MBD5: variants seen among roughly 807,000 people sequenced by gnomAD.
The protein encoded by MBD5 is methyl-CpG-binding domain protein 5.
MBD5 carries 13 observed loss-of-function variants against 117.3 expected under a neutral mutation model. The ratio of observed to expected loss-of-function variants is 0.11; its 90% confidence interval spans 0.07 to 0.18. The LOEUF (loss-of-function observed/expected upper bound fraction) is 0.18, where lower values mean the gene tolerates loss of function less well. Among genes scored for constraint, MBD5 ranks in the 10% least tolerant of loss-of-function variants. The probability of loss-of-function intolerance (pLI) is 1.00; values close to 1 mark genes in which losing one functional copy is unlikely to be tolerated. For missense variants in MBD5, 1,879 were observed against 2,093.8 expected (o/e 0.90, Z 2.00); for synonymous variants, 727 against 766.4 (o/e 0.95, Z 0.85).
intron 4 of MBD5, among the ~76,000 whole-genome samples, chr2:148,385,970 G>GT (rs1704345314): frequency 8.9e-6 from 1 of 111,762 alleles, no homozygotes; most frequent in Non-Finnish European, 1.8e-5. Flanking sequence ...TGGGGTGGGG[G>GT]GAGGGGGGAG....
chr2:148,305,949 T>A (rs559021594), intron 3 of MBD5, among the ~76,000 whole-genome samples: 4 of 152,336 alleles, frequency 2.6e-5, no homozygotes, highest in East Asian at 3.9e-4. Context: ...CCCCCCTTTT[T>A]AATTTTTTAT....
intron 1 of MBD5, among the ~76,000 whole-genome samples, chr2:148,135,924 C>T (rs569318996): frequency 7.1e-4 from 108 of 152,238 alleles, no homozygotes; most frequent in African/African-American, 2.4e-3. Flanking sequence ...AAATTTTGGT[C>T]GTACCTTCTG....
chr2:148,164,013 G>C (rs1233967145), intron 1 of MBD5, among the ~76,000 whole-genome samples: 1 of 152,060 alleles, frequency 6.6e-6, no homozygotes, highest in East Asian at 1.9e-4. Context: ...TTTTCATGTA[G>C]TGTTTACTAT....
chr2:148,127,221 C>T (rs1018695799), intron 1 of MBD5, among the ~76,000 whole-genome samples: 1 of 152,026 alleles, frequency 6.6e-6, no homozygotes, highest in Admixed American at 6.6e-5. Flanking sequence ...CCCACCTCGG[C>T]CTCCCAATTT....
chr2:148,456,026 A>AC (rs1706869005), intron 4 of MBD5, among the ~76,000 whole-genome samples: 1 of 152,110 alleles, frequency 6.6e-6, no homozygotes. Flanking sequence ...ACAGGGATTG[A>AC]CCCGTCCTAA....
At chr2:148,256,550 G>T (rs919141576) in intron 3 of MBD5, among the ~76,000 whole-genome samples, 1 of 152,202 alleles carries the variant, frequency 6.6e-6, no homozygotes, top group African/African-American at 2.4e-5. Flanking sequence ...CCCAGCTATT[G>T]ATACAGATTA....
intron 3 of MBD5, among the ~76,000 whole-genome samples, chr2:148,277,305 G>T (rs1354296212): frequency 6.6e-6 from 1 of 152,026 alleles, no homozygotes; most frequent in African/African-American, 2.4e-5. Context: ...ATTAAAATTT[G>T]GTCTTAGTGT....
chr2:148,051,135 C>G (rs1481000025), intron 1 of MBD5, among the ~76,000 whole-genome samples: 2 of 152,078 alleles, frequency 1.3e-5, no homozygotes, highest in African/African-American at 4.8e-5. Context: ...AAGTCTTACA[C>G]TTCTTGGCTA....
At chr2:148,344,940 T>TTC (rs1394199352) in intron 4 of MBD5, among the ~76,000 whole-genome samples, 1 of 151,868 alleles carries the variant, frequency 6.6e-6, no homozygotes, top group African/African-American at 2.4e-5. Context: ...CCTAAACATT[T>TTC]TCTCTGATGG....
At chr2:148,328,360 G>T (rs2105017083) in intron 3 of MBD5, among the ~76,000 whole-genome samples, 1 of 152,242 alleles carries the variant, frequency 6.6e-6, no homozygotes, top group East Asian at 1.9e-4. Context: ...GAGCTGTGGT[G>T]GGCTCCACCC....
intron 1 of MBD5, among the ~76,000 whole-genome samples, chr2:148,154,367 G>A (rs879210152): frequency 6.6e-6 from 1 of 151,736 alleles, no homozygotes; most frequent in African/African-American, 2.4e-5. Flanking sequence ...AGTCTGCAGA[G>A]GTTACTGCTG....
intron 4 of MBD5, among the ~76,000 whole-genome samples, chr2:148,446,855 T>C (rs1706550676): frequency 1.3e-5 from 2 of 152,054 alleles, no homozygotes; most frequent in Admixed American, 1.3e-4. Flanking sequence ...AAACAGGTTA[T>C]AAGATCTCAA....
In MBD5 at chr2:148,177,857, A is replaced by G. The variant is rs998479511; in HGVS notation, c.-924-843A>G. Among the ~76,000 whole-genome samples the G allele has an allele frequency of 2.0e-5, 3 of 152,236 alleles. 1 individual carries two copies. Among genetic ancestry groups the G allele is most frequent in the African/African-American group, 7.2e-5 (3 of 41,464 alleles). On this transcript the variant is annotated intron_variant, in intron 1 of 13. Transcript: ENST00000642680. Reference sequence around the variant, plus strand: ...CCAAAAGGAGCAATGATAATTGCTAATCCAAAAATCATTTATGTTTGGCTT... The same window carrying G: ...CCAAAAGGAGCAATGATAATTGCTAGTCCAAAAATCATTTATGTTTGGCTT...
intron 4 of MBD5, among the ~76,000 whole-genome samples, chr2:148,422,396 A>G (rs1005559074): frequency 6.6e-6 from 1 of 152,188 alleles, no homozygotes; most frequent in Admixed American, 6.5e-5. Context: ...CAACATCAAC[A>G]AAAAGGAAAT....
In MBD5 at chr2:148,514,064, G is replaced by T. The variant is rs992209040; in HGVS notation, c.*1123G>T. ...AGTATTACTTAACCCAGAAGTTAAG[G>T]TGGCTTACGGAATTATTAGCAATGG... On this transcript the variant is annotated 3_prime_UTR_variant, in exon 14 of 14. Transcript: ENST00000642680. The T allele has an allele frequency of 6.6e-6, 1 of 152,098 alleles. No individual in the cohort carries two copies. The highest frequency in any genetic ancestry group is 1.5e-5 in the Non-Finnish European group (1 of 68,024). 9.4% of individuals were successfully genotyped at this position (152,098 alleles called of 1,614,324 possible).
chr2:148,492,382 T>G (rs1681555998), intron 11 of MBD5, among the ~76,000 whole-genome samples: 1 of 151,978 alleles, frequency 6.6e-6, no homozygotes, highest in Non-Finnish European at 1.5e-5. Context: ...TCATTTTGGA[T>G]TCTCAAGTAA....
intron 1 of MBD5, among the ~76,000 whole-genome samples, chr2:148,125,578 AT>A (rs1419444317): frequency 1.3e-5 from 2 of 152,028 alleles, no homozygotes; most frequent in East Asian, 3.9e-4. Context: ...ACCCTTCCCA[AT>A]TTTTCACTTT....
chr2:148,328,671 A>G (rs1702542875), intron 3 of MBD5, among the ~76,000 whole-genome samples: 1 of 152,216 alleles, frequency 6.6e-6, no homozygotes, highest in Admixed American at 6.5e-5. Context: ...GCGCTTCCCG[A>G]GTGAGGCAAT....
intron 1 of MBD5, among the ~76,000 whole-genome samples, chr2:148,035,113 A>G (rs1042678505): frequency 6.6e-6 from 1 of 152,058 alleles, no homozygotes; most frequent in Admixed American, 6.6e-5. Context: ...AAATTTTTTC[A>G]TTTTCCTTCT....
Sources: allele counts gnomAD v4.1 joint callset (sites outside exome capture counted in the v4.1 genomes callset), GRCh38; gene constraint gnomAD v4.1.1; transcripts MANE v1.5; gene names NCBI Gene and HGNC (gene_info 2026-07-23, HGNC 2026-07-21).